Variants in LARP1B observed in about 807,000 individuals in gnomAD.
The protein encoded by LARP1B is La ribonucleoprotein 1B, also known as la-related protein 1B.
Under a neutral mutation model 114.2 loss-of-function variants are expected in LARP1B, and 76 were observed. That is an observed-to-expected ratio of 0.67 (90% CI 0.55 to 0.81). The LOEUF is 0.81. LARP1B is among the 30% of genes least tolerant of loss of function. The pLI is 0.00. For missense variants in LARP1B, 1,014 were observed against 1,075.8 expected (o/e 0.94, Z 0.80); for synonymous variants, 345 against 348.0 (o/e 0.99, Z 0.10).
At chr4:128,158,191 T>A (rs1198207179) in intron 11 of LARP1B, among the ~76,000 whole-genome samples, 1 of 152,126 alleles carries the variant, frequency 6.6e-6, no homozygotes, top group Non-Finnish European at 1.5e-5. Context: ...GGCAAATAGG[T>A]GCATTCATAA....
At chr4:128,155,787 G>A in intron 11 of LARP1B, 2 of 1,591,752 alleles carry the variant, frequency 1.3e-6, no homozygotes, top group Non-Finnish European at 1.7e-6. Context: ...CTGACTTCCT[G>A]CAGGCGGAGA....
intron 5 of LARP1B, among the ~76,000 whole-genome samples, chr4:128,083,455 C>G (rs973942862): frequency 6.7e-6 from 1 of 149,912 alleles, no homozygotes; most frequent in East Asian, 2.0e-4. Context: ...GCTGACCCCC[C>G]CCACCTCCCT....
At chr4:128,100,169 C>A (rs556031951) in intron 8 of LARP1B, among the ~76,000 whole-genome samples, 59 of 152,240 alleles carry the variant, frequency 3.9e-4, no homozygotes, top group African/African-American at 1.4e-3. Context: ...ACCATGTTGG[C>A]CAGGCTGGTC....
At chr4:128,134,894 CAGG>C (rs1265678042) in intron 11 of LARP1B, among the ~76,000 whole-genome samples, 1 of 152,070 alleles carries the variant, frequency 6.6e-6, no homozygotes, top group African/African-American at 2.4e-5. Flanking sequence ...CACTTGAGGT[CAGG>C]AGTTTAAGAC....
intron 18 of LARP1B, 100 bp from the exon 19 acceptor site, chr4:128,207,156 A>G (rs1198383620): frequency 3.9e-6 from 2 of 515,122 alleles, no homozygotes; most frequent in Non-Finnish European, 6.3e-6. Context: ...GTAAGCATAT[A>G]TTGGAAGATA....
At chr4:128,193,363 T>C (rs58958258) in intron 15 of LARP1B, among the ~76,000 whole-genome samples, 1,952 of 152,264 alleles carry the variant, frequency 0.013, 50 homozygotes, top group African/African-American at 0.045. Context: ...TTGCCTGTTA[T>C]TAATACACCC....
At chr4:128,214,352 G>A (rs1182678054), downstream of LARP1B, among the ~76,000 whole-genome samples, 1 of 148,604 alleles carries the variant, frequency 6.7e-6, no homozygotes, top group African/African-American at 2.5e-5. Context: ...TGGGGGCAGG[G>A]CACAGACAAA....
chr4:128,174,319 A>T (rs2150587383), intron 12 of LARP1B, among the ~76,000 whole-genome samples: 1 of 152,116 alleles, frequency 6.6e-6, no homozygotes, highest in East Asian at 1.9e-4. Context: ...AAAAAATGTT[A>T]ATATATTCTT....
At chr4:128,129,448 C>T (rs1348507594) in intron 11 of LARP1B, among the ~76,000 whole-genome samples, 1 of 151,584 alleles carries the variant, frequency 6.6e-6, no homozygotes, top group African/African-American at 2.4e-5. Context: ...TTCTTTCCAA[C>T]ATAACCATAG....
At chr4:128,096,822 G>A (rs193132090) in intron 7 of LARP1B, among the ~76,000 whole-genome samples, 2 of 151,878 alleles carry the variant, frequency 1.3e-5, no homozygotes, top group East Asian at 1.9e-4. Context: ...GGATGGTCTC[G>A]ATCTCCTGAC....
At chr4:128,061,270 T>G (rs1361095850), upstream of LARP1B, 1 of 152,196 alleles carries the variant, frequency 6.6e-6, no homozygotes, top group Non-Finnish European at 1.5e-5. Context: ...CGCCCCGTGC[T>G]CTCGGGCCGC....
intron 5 of LARP1B, among the ~76,000 whole-genome samples, chr4:128,083,882 AGAGGGGCTCCTCACTTCTCAGACG>A (rs1561117593): frequency 7.3e-5 from 11 of 150,084 alleles, no homozygotes; most frequent in African/African-American, 2.7e-4. Flanking sequence ...GCTGCCGGGC[AGAGGGGCTCCTCACTTCTCAGACG>A]GGGCGGCTGC....
At chr4:128,072,773 T>A (rs1400318350) in intron 1 of LARP1B, among the ~76,000 whole-genome samples, 1 of 152,086 alleles carries the variant, frequency 6.6e-6, no homozygotes, top group Non-Finnish European at 1.5e-5. Flanking sequence ...GCCAGGCTGG[T>A]CTTGAACTCC....
At chr4:128,098,126 G>A (rs879052792) in intron 7 of LARP1B, 60 bp from the exon 8 acceptor site, 6 of 1,315,292 alleles carry the variant, frequency 4.6e-6, no homozygotes, top group Admixed American at 1.8e-5. Context: ...TAATGTGGGA[G>A]CAATAGAAAT....
chr4:128,221,509 C>T (rs189684236), intron 7 of LARP1B, among the ~76,000 whole-genome samples: 19 of 152,254 alleles, frequency 1.2e-4, no homozygotes, highest in Admixed American at 2.6e-4. Flanking sequence ...ATATACTGCA[C>T]GTATTAGCTT....
chr4:128,154,577 A>G lies in LARP1B; in HGVS notation c.1525-7617A>G, dbSNP rs375060162. On this transcript the variant is annotated intron_variant, in intron 11 of 19. Coordinates refer to ENST00000326639, the MANE Select transcript of LARP1B (RefSeq NM_018078.4). ...TGCATGTGCAGTTTCCTCTGCCTGC[A>G]GTGGCTTTTCACATTGTTTACTTGC... Among the ~76,000 whole-genome samples the G allele has an allele frequency of 1.2e-4, 18 of 152,332 alleles. No individual in the cohort carries two copies. In the East Asian group the frequency reaches 3.3e-3, roughly 28 times the overall value.
intron 11 of LARP1B, among the ~76,000 whole-genome samples, chr4:128,137,791 A>ATATATATAT (rs1414155026): frequency 4.7e-5 from 3 of 63,562 alleles, no homozygotes; most frequent in African/African-American, 1.4e-4. Context: ...ATATATATAT[A>ATATATATAT]TTTTTTTTTT....
chr4:128,147,254 T>C (rs1730740491), intron 11 of LARP1B, among the ~76,000 whole-genome samples: 1 of 152,210 alleles, frequency 6.6e-6, no homozygotes, highest in Admixed American at 6.5e-5. Flanking sequence ...CTGGCTTCTT[T>C]CTTGCCCTTT....
Position 128,082,211 on chromosome 4 carries a change from A to G in LARP1B, c.264A>G (p.Ser88=). The G allele has an allele frequency of 6.2e-7, 1 of 1,612,864 alleles. No homozygotes were observed. ...CACTCCACTTAGATGTTGTAAGATC[A>G]GAGAGTCAAGAAAGACCTGGATCCC... ...WVPLHLDVVR[S]ESQERPGSRN... The change falls in exon 5 of 20, where the codon TCA becomes TCG. Residue 88 remains serine, a synonymous_variant. Transcript: ENST00000326639.
Sources: gnomAD v4.1 joint callset for allele counts (sites outside exome capture counted in the v4.1 genomes callset) on GRCh38, gnomAD v4.1.1 for gene constraint, MANE v1.5 for transcripts, NCBI Gene and HGNC (gene_info 2026-07-23, HGNC 2026-07-21) for gene names.